Variants in KPNA4 observed in about 807,000 individuals in gnomAD.
KPNA4 encodes the protein karyopherin subunit alpha 4.
A neutral mutation model predicts 71.3 loss-of-function variants in KPNA4; 13 were observed. The observed-to-expected ratio is 0.18, with a 90% CI of 0.12 to 0.29. The LOEUF is 0.29. KPNA4 is among the 10% of genes least tolerant of loss of function. The pLI is 1.00. For synonymous variants in KPNA4, 189 were observed against 195.2 expected, an observed-to-expected ratio of 0.97 and a Z score of 0.26; for missense variants, 334 against 603.2, an observed-to-expected ratio of 0.55 and a Z score of 4.67.
intron 1 of KPNA4, among the ~76,000 whole-genome samples, chr3:160,537,926 C>T (rs1408115211): frequency 6.6e-6 from 1 of 151,742 alleles, no homozygotes; most frequent in Non-Finnish European, 1.5e-5. Flanking sequence ...GTGAAAGTCT[C>T]CTAACATGTA....
intron 1 of KPNA4, among the ~76,000 whole-genome samples, chr3:160,549,454 T>C (rs560154059): frequency 1.8e-3 from 269 of 152,340 alleles, no homozygotes; most frequent in Non-Finnish European, 3.3e-3. Context: ...GATTTTTGTA[T>C]ATAGTACAAG....
chr3:160,562,082 G>C (rs967387070), intron 1 of KPNA4, among the ~76,000 whole-genome samples: 2 of 152,156 alleles, frequency 1.3e-5, no homozygotes, highest in Admixed American at 6.5e-5. Flanking sequence ...CAAATAAACT[G>C]TTAGATCATA....
At chr3:160,539,758 G>A (rs1341331948) in intron 1 of KPNA4, among the ~76,000 whole-genome samples, 1 of 152,094 alleles carries the variant, frequency 6.6e-6, no homozygotes, top group African/African-American at 2.4e-5. Flanking sequence ...GACTTCTGAG[G>A]GACTGGGTAT....
intron 1 of KPNA4, among the ~76,000 whole-genome samples, chr3:160,560,473 G>C (rs1722221831): frequency 6.6e-6 from 1 of 151,938 alleles, no homozygotes; most frequent in Non-Finnish European, 1.5e-5. Context: ...ACATGCTCTT[G>C]TTTCATTCAT....
chr3:160,537,169 C>A (rs1486150623), intron 1 of KPNA4, among the ~76,000 whole-genome samples: 2 of 150,598 alleles, frequency 1.3e-5, no homozygotes, highest in Admixed American at 6.6e-5. Context: ...TCATATGAAC[C>A]GATGATATTA....
rs753135344 is a variant in KPNA4, at chr3:160,501,687, T to C, written c.*417A>G. On this transcript the variant is annotated 3_prime_UTR_variant, in exon 17 of 17. Coordinates refer to ENST00000334256, the MANE Select transcript of KPNA4 (RefSeq NM_002268.5). ...GGCCTGGGCTCATTTTCCTTTGACT[T>C]ATATGGGCAGCCTATTCTCTTTTAT... is the stretch of plus-strand genomic sequence containing the variant. 1.3e-5 allele frequency: 2 copies of C among 152,624 alleles called. No individual in the cohort carries two copies. Among genetic ancestry groups the C allele is most frequent in the East Asian group, 3.8e-4 (2 of 5,198 alleles). The allele number at this position is 152,624 out of a possible 1,614,324, so 9.5% of individuals were successfully genotyped here.
At chr3:160,526,138 A>G in intron 8 of KPNA4, 31 bp from the exon 9 acceptor site, 1 of 1,441,206 alleles carries the variant, frequency 6.9e-7, no homozygotes, top group Non-Finnish European at 9.2e-7. Context: ...TTTACTCAAT[A>G]AAACATACTG....
Position 160,501,876 on chromosome 3 carries a change from A to G in KPNA4, c.*228T>C, listed in dbSNP as rs1374277737. On this transcript the variant is annotated 3_prime_UTR_variant, in exon 17 of 17. Coordinates refer to ENST00000334256, the MANE Select transcript of KPNA4 (RefSeq NM_002268.5). ...AAGTTTTCATTACATTTTGCCACTC[A>G]TTCTCACTCGCACCCACTCGCCATC... The G allele has an allele frequency of 1.5e-5, 3 of 202,412 alleles. No individual in the cohort carries two copies. Among genetic ancestry groups the G allele is most frequent in the Non-Finnish European group, 3.0e-5 (3 of 101,524 alleles). 12.5% of individuals were successfully genotyped at this position (202,412 alleles called of 1,614,324 possible).
In KPNA4 at chr3:160,495,885, CCCA is replaced by C. The variant is rs767806604; in HGVS notation, c.*6216_*6218del. 3 of 151,252 alleles carry C rather than the reference CCCA, an allele frequency of 2.0e-5. No homozygotes were observed. Among genetic ancestry groups the C allele is most frequent in the Non-Finnish European group, 4.4e-5 (3 of 67,952 alleles). The allele number at this position is 151,252 out of a possible 1,614,324, so 9.4% of individuals were successfully genotyped here. A position where few individuals can be genotyped will look rare whatever the true frequency, so the allele number is the denominator to read the frequency against. ...ACTAAGGTTGTCTTGATTCCCCGCC[CCCA>C]CCACAATTATGAATCAAAAGATGGA... On this transcript the variant is annotated 3_prime_UTR_variant, in exon 17 of 17. Coordinates refer to ENST00000334256, the MANE Select transcript of KPNA4 (RefSeq NM_002268.5).
Position 160,538,270 on chromosome 3 carries a change from C to T in KPNA4, c.70-1430G>A, listed in dbSNP as rs1721730432. Among the ~76,000 whole-genome samples the T allele has an allele frequency of 2.0e-5, 3 of 151,878 alleles. No homozygotes were observed. The South Asian group carries it at 6.2e-4, about 32-fold the overall frequency. On this transcript the variant is annotated intron_variant, in intron 1 of 16. Coordinates refer to ENST00000334256, the MANE Select transcript of KPNA4 (RefSeq NM_002268.5). ...AATATAAAAAAATGTAATGTAAGTG[C>T]TTCTTTATTATCACATTAAATGGGA...
intron 12 of KPNA4, chr3:160,514,803 C>T: frequency 5.1e-6 from 2 of 392,162 alleles, no homozygotes; most frequent in South Asian, 4.0e-5. Flanking sequence ...ACAGTTGGTG[C>T]TACTTTTGAC....
At chr3:160,565,127 C>G in intron 1 of KPNA4, 87 bp downstream of exon 1, 1 of 1,151,312 alleles carries the variant, frequency 8.7e-7, no homozygotes, top group Non-Finnish European at 1.3e-6. Flanking sequence ...AGGCGGCTCC[C>G]GCCCCTAATC....
At chr3:160,544,929 C>G (rs1721875803) in intron 1 of KPNA4, among the ~76,000 whole-genome samples, 1 of 152,016 alleles carries the variant, frequency 6.6e-6, no homozygotes, top group Non-Finnish European at 1.5e-5. Flanking sequence ...AAAATTTAAG[C>G]AAATAGTATT....
intron 1 of KPNA4, among the ~76,000 whole-genome samples, chr3:160,551,344 A>T (rs1413004538): frequency 2.6e-5 from 4 of 152,240 alleles, no homozygotes; most frequent in Non-Finnish European, 5.9e-5. Flanking sequence ...AGAAGAAAAT[A>T]TCAGAATATA....
At position 160,496,179 on chromosome 3, in the gene KPNA4, TCAGGAGGCTGAGG is replaced by T. The variant is rs1395790196; in HGVS notation, c.*5912_*5924del. On this transcript the variant is annotated 3_prime_UTR_variant, in exon 17 of 17. Coordinates refer to ENST00000334256, the MANE Select transcript of KPNA4 (RefSeq NM_002268.5). ...GGTGCACGCTTGTGGTCCCAGCTAC[TCAGGAGGCTGAGG>T]CAGGAGAATCGCTTGAACCTAGGAG... The T allele has an allele frequency of 1.3e-5, 2 of 152,332 alleles. No individual in the cohort carries two copies. The highest frequency in any genetic ancestry group is 4.8e-5 in the African/African-American group (2 of 41,390). 9.4% of individuals were successfully genotyped at this position (152,332 alleles called of 1,614,324 possible). A position where few individuals can be genotyped will look rare whatever the true frequency, so the allele number is the denominator to read the frequency against.
At chr3:160,530,806 G>A (rs777708452) in intron 7 of KPNA4, 49 bp downstream of exon 7, 154 of 1,289,656 alleles carry the variant, frequency 1.2e-4, no homozygotes, top group South Asian at 1.8e-4. Context: ...ATTTTTTACC[G>A]ACTTCTTTTA....
chr3:160,520,038 A>C, intron 11 of KPNA4, among the ~76,000 whole-genome samples: 1 of 152,142 alleles, frequency 6.6e-6, no homozygotes, highest in East Asian at 1.9e-4. Context: ...TTCTTTGAGC[A>C]CTGGCTAAAG....
intron 1 of KPNA4, among the ~76,000 whole-genome samples, chr3:160,546,048 C>G (rs1248463194): frequency 6.6e-6 from 1 of 151,240 alleles, no homozygotes; most frequent in Non-Finnish European, 1.5e-5. Context: ...TCTGTTGAAT[C>G]TTGAGTTCAA....
chr3:160,536,958 T>A, intron 1 of KPNA4, 118 bp from the exon 2 acceptor site: 2 of 489,410 alleles, frequency 4.1e-6, no homozygotes, highest in Middle Eastern at 8.7e-4. Context: ...CATATGGATA[T>A]AAAGTCAAAT....
Sources: gnomAD v4.1 joint callset for allele counts (sites outside exome capture counted in the v4.1 genomes callset) on GRCh38, gnomAD v4.1.1 for gene constraint, MANE v1.5 for transcripts, NCBI Gene and HGNC (gene_info 2026-07-23, HGNC 2026-07-21) for gene names.